Variants in SNTB2 observed in about 807,000 individuals in gnomAD.
SNTB2 encodes the protein beta-2-syntrophin.
In SNTB2, 34 loss-of-function variants were observed where a neutral mutation model predicts 46.2. The observed-to-expected ratio is 0.74, with a 90% CI of 0.56 to 0.98. SNTB2 has a LOEUF of 0.98. SNTB2 is among the 50% of genes least tolerant of loss of function. SNTB2 has a pLI of 0.00. For synonymous variants in SNTB2, 290 were observed against 312.6 expected (o/e 0.93, Z 0.76); for missense variants, 603 against 731.4 (o/e 0.82, Z 2.02).
At chr16:69,199,531 G>A (rs1964139150) in intron 1 of SNTB2, among the ~76,000 whole-genome samples, 1 of 147,018 alleles carries the variant, frequency 6.8e-6, no homozygotes, top group African/African-American at 2.6e-5. Context: ...GGAGGTGGAC[G>A]CTTTGGTGAG....
chr16:69,281,366 G>A (rs1375001849), intron 4 of SNTB2, among the ~76,000 whole-genome samples: 1 of 151,652 alleles, frequency 6.6e-6, no homozygotes. Flanking sequence ...TGAGTAGCTG[G>A]GATTACAGGC....
intron 5 of SNTB2, among the ~76,000 whole-genome samples, chr16:69,289,533 A>T (rs943725069): frequency 2.0e-5 from 3 of 152,228 alleles, no homozygotes; most frequent in Non-Finnish European, 4.4e-5. Context: ...ATTCAATGTG[A>T]TGGATACCCT....
chr16:69,254,120 T>C (rs1371897022), intron 2 of SNTB2, among the ~76,000 whole-genome samples: 11 of 152,098 alleles, frequency 7.2e-5, no homozygotes, highest in African/African-American at 2.7e-4. Context: ...CAGCCTGATA[T>C]ACGATCTGAA....
At position 69,251,497 on chromosome 16, in the gene SNTB2, G is replaced by A. The variant is rs545387388; in HGVS notation, c.794+5682G>A. Among the ~76,000 whole-genome samples the A allele has an allele frequency of 6.4e-4, 93 of 145,340 alleles. 1 individual carries two copies. The highest frequency in any genetic ancestry group is 1.2e-3 in the Non-Finnish European group (83 of 66,570). On this transcript the variant is annotated intron_variant, in intron 2 of 6. Transcript: ENST00000336278. ...AAAAAAAAAAAAAAAAAAAAAACTAGGCCAGGCACAGTGGCTGACGCCTGT... is the reference window on the plus strand; with the variant it reads ...AAAAAAAAAAAAAAAAAAAAAACTAAGCCAGGCACAGTGGCTGACGCCTGT...
chr16:69,223,573 C>T (rs1197583370), intron 1 of SNTB2, among the ~76,000 whole-genome samples: 2 of 152,012 alleles, frequency 1.3e-5, no homozygotes, highest in Non-Finnish European at 2.9e-5. Context: ...TTTTCTGTTC[C>T]AGGATCCCAC....
intron 1 of SNTB2, among the ~76,000 whole-genome samples, chr16:69,208,806 TA>T (rs1964249975): frequency 6.6e-6 from 1 of 150,864 alleles, no homozygotes; most frequent in Non-Finnish European, 1.5e-5. Flanking sequence ...TCATCCTAGC[TA>T]ACACAGTGAA....
At chr16:69,191,553 G>A in intron 1 of SNTB2, among the ~76,000 whole-genome samples, 1 of 106,050 alleles carries the variant, frequency 9.4e-6, no homozygotes, top group African/African-American at 3.7e-5. Flanking sequence ...GCAAGATCCT[G>A]TCTCAAAAAA....
At chr16:69,273,133 G>A (rs1160757956) in intron 4 of SNTB2, among the ~76,000 whole-genome samples, 2 of 152,176 alleles carry the variant, frequency 1.3e-5, no homozygotes, top group African/African-American at 4.8e-5. Flanking sequence ...TACACTGCTG[G>A]TGAGAATGTG....
chr16:69,197,090 A>G (rs982117589), intron 1 of SNTB2, among the ~76,000 whole-genome samples: 1 of 152,004 alleles, frequency 6.6e-6, no homozygotes, highest in Non-Finnish European at 1.5e-5. Context: ...ACACTCTGTT[A>G]GACACTCTGA....
intron 2 of SNTB2, among the ~76,000 whole-genome samples, chr16:69,254,583 A>T (rs1229199963): frequency 6.6e-6 from 1 of 152,206 alleles, no homozygotes; most frequent in African/African-American, 2.4e-5. Context: ...AAAATTTAAA[A>T]CTTCAGCCCT....
intron 1 of SNTB2, among the ~76,000 whole-genome samples, chr16:69,200,769 C>T (rs2152289898): frequency 6.6e-6 from 1 of 152,324 alleles, no homozygotes; most frequent in Non-Finnish European, 1.5e-5. Context: ...CCAGCCTTGG[C>T]TTCCCAAATT....
chr16:69,213,249 G>A (rs1964307608), intron 1 of SNTB2, among the ~76,000 whole-genome samples: 1 of 152,134 alleles, frequency 6.6e-6, no homozygotes, highest in Non-Finnish European at 1.5e-5. Context: ...CATATTGCAT[G>A]TTAAATTGGT....
intron 1 of SNTB2, among the ~76,000 whole-genome samples, chr16:69,219,450 G>T (rs1267118869): frequency 2.0e-5 from 3 of 152,202 alleles, no homozygotes; most frequent in African/African-American, 7.2e-5. Flanking sequence ...GATGATTTAT[G>T]TTTAGCTGAG....
intron 1 of SNTB2, among the ~76,000 whole-genome samples, chr16:69,222,526 G>A (rs571495294): frequency 2.6e-3 from 387 of 151,518 alleles, no homozygotes; most frequent in African/African-American, 9.1e-3. Context: ...CTGGGAGGTG[G>A]AGGTTGCAGT....
At chr16:69,206,363 A>G (rs1303954667) in intron 1 of SNTB2, among the ~76,000 whole-genome samples, 2 of 152,040 alleles carry the variant, frequency 1.3e-5, no homozygotes, top group Admixed American at 6.6e-5. Context: ...TAGATATACT[A>G]TTTGATCAAG....
chr16:69,283,989 C>T, intron 4 of SNTB2, 59 bp from the exon 5 acceptor site: 2 of 1,456,048 alleles, frequency 1.4e-6, no homozygotes, highest in Non-Finnish European at 9.3e-7. Context: ...GCACAAATTC[C>T]TGACATTTTT....
At chr16:69,294,023 GT>G (rs746551478) in intron 5 of SNTB2, among the ~76,000 whole-genome samples, 1 of 151,896 alleles carries the variant, frequency 6.6e-6, no homozygotes, top group African/African-American at 2.4e-5. Flanking sequence ...TATGTTTTTT[GT>G]TTGTTTGTTT....
intron 1 of SNTB2, among the ~76,000 whole-genome samples, chr16:69,224,375 C>G (rs1964438218): frequency 6.6e-6 from 1 of 151,900 alleles, no homozygotes; most frequent in Non-Finnish European, 1.5e-5. Context: ...CCACGCCCGG[C>G]TGATTTTTTG....
Position 69,302,878 on chromosome 16 carries a change from T to G in SNTB2, c.*1954T>G, listed in dbSNP as rs1406098420. On this transcript the variant is annotated 3_prime_UTR_variant, in exon 7 of 7. Transcript: ENST00000336278. Reference sequence around the variant, plus strand: ...AAGATTGGCTCCATCTGAGATAAATTTTCTTTTCTTTTTTTTTTTGAGACG... The same window carrying G: ...AAGATTGGCTCCATCTGAGATAAATGTTCTTTTCTTTTTTTTTTTGAGACG... The G allele has an allele frequency of 8.5e-5, 13 of 152,200 alleles. No individual in the cohort carries two copies. The highest frequency in any genetic ancestry group is 3.1e-4 in the African/African-American group (13 of 41,442). 9.4% of individuals were successfully genotyped at this position (152,200 alleles called of 1,614,324 possible).
Sources: gnomAD v4.1 joint callset for allele counts (sites outside exome capture counted in the v4.1 genomes callset) on GRCh38, gnomAD v4.1.1 for gene constraint, MANE v1.5 for transcripts, NCBI Gene and HGNC (gene_info 2026-07-23, HGNC 2026-07-21) for gene names.